Variants in TUBGCP3 observed in about 807,000 individuals in gnomAD.
The protein encoded by TUBGCP3 is tubulin gamma complex component 3.
A neutral mutation model predicts 123.1 loss-of-function variants in TUBGCP3; 50 were observed. The ratio of observed to expected loss-of-function variants is 0.41; its 90% CI spans 0.32 to 0.51. TUBGCP3 has a LOEUF of 0.51. TUBGCP3 is among the 20% of genes least tolerant of loss of function. The probability of loss-of-function intolerance (pLI) is 0.36; values close to 1 mark genes in which losing one functional copy is unlikely to be tolerated. For synonymous variants in TUBGCP3, 405 were observed against 413.9 expected, an observed-to-expected ratio of 0.98 and a Z score of 0.26; for missense variants, 882 against 1,127.0, an observed-to-expected ratio of 0.78 and a Z score of 3.11.
intron 1 of TUBGCP3, 122 bp downstream of exon 1, chr13:112,587,783 C>G: frequency 2.3e-6 from 2 of 879,612 alleles, no homozygotes; most frequent in Non-Finnish European, 3.3e-6. Flanking sequence ...TCGGCCCGTC[C>G]CCCAGCCCTC....
chr13:112,506,122 T>C (rs1385328979), intron 17 of TUBGCP3, among the ~76,000 whole-genome samples: 1 of 152,214 alleles, frequency 6.6e-6, no homozygotes, highest in Non-Finnish European at 1.5e-5. Context: ...GAAGAATTTT[T>C]AGTTAGGGAT....
At position 112,559,354 on chromosome 13, in the gene TUBGCP3, G is replaced by C. The variant is rs537919242; in HGVS notation, c.298C>G (p.Leu100Val). The change falls in exon 4 of 22, where the codon CTC becomes GTC. Residue 100 changes from leucine to valine, a missense_variant. Physicochemically the swap from Leu to Val is conservative, Grantham distance 32. Coordinates refer to ENST00000261965, the MANE Select transcript of TUBGCP3 (RefSeq NM_006322.6). Reference sequence around the variant, plus strand: ...GGCTGCCTGCGTGGGTCCTCACTGAGGCTCAGCAAGAGGTAGAGTATTGAC... The same window carrying C: ...GGCTGCCTGCGTGGGTCCTCACTGACGCTCAGCAAGAGGTAGAGTATTGAC... ...KWSILYLLLS[L>V]SEDPRRQPSK... The C allele has an allele frequency of 6.2e-7, 1 of 1,611,518 alleles. No homozygotes were observed. Among genetic ancestry groups the C allele is most frequent in the Non-Finnish European group, 8.5e-7 (1 of 1,178,760 alleles).
Position 112,516,566 on chromosome 13 carries a change from G to A in TUBGCP3, c.1960C>T (p.Arg654Ter), listed in dbSNP as rs759876529. ...CTTAGGTAGTGGCTCATACATTCTC[G>A]AGTAAACACCTGGGATAACAGCAGA... is the stretch of plus-strand genomic sequence containing the variant. ...VDGPIATVFT[R>*]ECMSHYLRVF... The change falls in exon 17 of 22, where the codon CGA (arginine) becomes TGA (stop). Residue 654 changes from arginine to a stop codon, truncating the protein, a stop_gained. Coordinates refer to ENST00000261965, the MANE Select transcript of TUBGCP3 (RefSeq NM_006322.6). LOFTEE classifies it high-confidence loss of function. 1 of 1,613,050 alleles carries A rather than the reference G, an allele frequency of 6.2e-7. No individual in the cohort carries two copies. Among genetic ancestry groups the A allele is most frequent in the Non-Finnish European group, 8.5e-7 (1 of 1,179,568 alleles).
chr13:112,572,027 A>G (rs1346990147), intron 1 of TUBGCP3, among the ~76,000 whole-genome samples: 1 of 152,190 alleles, frequency 6.6e-6, no homozygotes, highest in Admixed American at 6.5e-5. Flanking sequence ...CTTTCTCCAT[A>G]TTAGCAATAA....
At chr13:112,600,889 G>A in the TUBGCP3 span, among the ~76,000 whole-genome samples, 3,721 of 152,066 alleles carry the variant, frequency 0.024, 62 homozygotes, top group Middle Eastern at 0.044. Context: ...GATTCTAAAC[G>A]TATTTTAATT....
At chr13:112,599,807 C>T in the TUBGCP3 span, among the ~76,000 whole-genome samples, 2 of 152,212 alleles carry the variant, frequency 1.3e-5, no homozygotes, top group African/African-American at 4.8e-5. Flanking sequence ...GCATGAGCCA[C>T]TGCGCCCAGC....
chr13:112,508,723 C>T lies in TUBGCP3; in HGVS notation c.2087-4009G>A, dbSNP rs186130059. 7.9e-4 allele frequency among the ~76,000 whole-genome samples: 120 copies of T among 152,288 alleles called. No individual in the cohort carries two copies. Among genetic ancestry groups the T allele is most frequent in the African/African-American group, 2.7e-3 (113 of 41,558 alleles). On this transcript the variant is annotated intron_variant, in intron 17 of 21. Transcript: ENST00000261965. The surrounding 1 kb of genome is among the most constrained non-coding windows in gnomAD (Gnocchi z 4.2). Reference sequence around the variant, plus strand: ...TATTTGAATGGAATCACTATCCCCCCCAAAGAAGCTCTTCCTCCAGTGCTC... The same window carrying T: ...TATTTGAATGGAATCACTATCCCCCTCAAAGAAGCTCTTCCTCCAGTGCTC...
At chr13:112,503,938 T>A (rs1294065113) in intron 19 of TUBGCP3, 94 bp downstream of exon 19, 4 of 1,430,290 alleles carry the variant, frequency 2.8e-6, no homozygotes, top group East Asian at 2.3e-5. Context: ...TGTGGCTGCA[T>A]CAGGGCATTT....
the TUBGCP3 span, among the ~76,000 whole-genome samples, chr13:112,597,055 GA>G: frequency 6.6e-6 from 1 of 152,222 alleles, no homozygotes; most frequent in African/African-American, 2.4e-5. Context: ...CCAATTTCCA[GA>G]AGAAATGGCT....
At chr13:112,488,851 A>G (rs111173903) in intron 21 of TUBGCP3, among the ~76,000 whole-genome samples, 224 of 46,682 alleles carry the variant, frequency 4.8e-3, no homozygotes, top group Admixed American at 8.4e-3. Context: ...GGAGCACAGG[A>G]GCCACCCCCA....
chr13:112,537,127 C>CTTT (rs58140098), intron 11 of TUBGCP3, among the ~76,000 whole-genome samples: 2 of 78,120 alleles, frequency 2.6e-5, no homozygotes, highest in African/African-American at 4.8e-5. Context: ...TACCTTTTTC[C>CTTT]TTTTTTTTTT....
At position 112,546,073 on chromosome 13, in the gene TUBGCP3, C is replaced by T. The variant is rs545758853; in HGVS notation, c.1169-208G>A. 100 of 522,844 alleles carry T rather than the reference C, an allele frequency of 1.9e-4. No individual in the cohort carries two copies. In the South Asian group the frequency reaches 2.4e-3, roughly 13 times the overall value. The allele number at this position is 522,844 out of a possible 1,614,324, so 32.4% of individuals were successfully genotyped here. A position where few individuals can be genotyped will look rare whatever the true frequency, so the allele number is the denominator to read the frequency against. ...TCCAGACTCCAACCCTGGCTTTACA[C>T]AAGTGTGTGAGTCACTCTTCTCTTT... is the stretch of plus-strand genomic sequence containing the variant. On this transcript the variant is annotated intron_variant, in intron 10 of 21. Transcript: ENST00000261965.
intron 1 of TUBGCP3, among the ~76,000 whole-genome samples, chr13:112,578,571 AAAAAAAAAAAAAAAAG>A (rs1882035684): frequency 6.8e-6 from 1 of 147,162 alleles, no homozygotes; most frequent in African/African-American, 2.5e-5. Context: ...AAAAAAAAAA[AAAAAAAAAAAAAAAAG>A]AACCTGCTCT....
intron 1 of TUBGCP3, among the ~76,000 whole-genome samples, chr13:112,572,733 C>G (rs1338666552): frequency 6.6e-6 from 1 of 152,108 alleles, no homozygotes; most frequent in East Asian, 1.9e-4. Context: ...ACAATTACAA[C>G]AGCAGCATCA....
chr13:112,529,722 TGACC>T (rs1877422159), intron 11 of TUBGCP3, among the ~76,000 whole-genome samples: 1 of 152,196 alleles, frequency 6.6e-6, no homozygotes, highest in Non-Finnish European at 1.5e-5. Context: ...ACCGGGACCA[TGACC>T]TCAGCACTTG....
intron 20 of TUBGCP3, among the ~76,000 whole-genome samples, chr13:112,496,533 T>C (rs1375647167): frequency 6.6e-6 from 1 of 152,222 alleles, no homozygotes; most frequent in African/African-American, 2.4e-5. Context: ...GTTTTAGCTT[T>C]TGTGTCTCTT....
In TUBGCP3 at chr13:112,511,671, C is replaced by CA. The variant is rs59468827; in HGVS notation, c.2086+4768dup. 1.2e-4 allele frequency among the ~76,000 whole-genome samples: 18 copies of CA among 147,398 alleles called. No homozygotes were observed. The highest frequency in any genetic ancestry group is 3.4e-3 in the Middle Eastern group (1 of 290). ...GATACAATATGGTTAAAAGGAAAACCAAAAAAAAAATGTAGTATGAGCTAT... is the reference window on the plus strand; with the variant it reads ...GATACAATATGGTTAAAAGGAAAACCAAAAAAAAAAATGTAGTATGAGCTAT... On this transcript the variant is annotated intron_variant, in intron 17 of 21. Transcript: ENST00000261965. This position sits in a 1 kb window ranked among gnomAD's most constrained non-coding sequence, Gnocchi z 4.1.
At chr13:112,497,863 C>CA (rs1225362038) in intron 20 of TUBGCP3, among the ~76,000 whole-genome samples, 1 of 152,194 alleles carries the variant, frequency 6.6e-6, no homozygotes, top group African/African-American at 2.4e-5. Context: ...GTCATATATG[C>CA]AGTCTGTCAT....
At chr13:112,503,927 A>G in intron 19 of TUBGCP3, 105 bp downstream of exon 19, 1 of 1,336,588 alleles carries the variant, frequency 7.5e-7, no homozygotes, top group Non-Finnish European at 1.0e-6. Flanking sequence ...ATTATTACCA[A>G]TGTGGCTGCA....
Sources: gnomAD v4.1 joint callset for allele counts (sites outside exome capture counted in the v4.1 genomes callset) on GRCh38, gnomAD v4.1.1 for gene constraint, Gnocchi (gnomAD v3.1) non-coding constraint, MANE v1.5 for transcripts, NCBI Gene and HGNC (gene_info 2026-07-23, HGNC 2026-07-21) for gene names.